The following MCF2L2 variants were observed in gnomAD, a reference collection of about 807,000 sequenced individuals.
MCF2L2 encodes the protein MCF.2 cell line derived transforming sequence-like 2.
MCF2L2 carries 102 observed loss-of-function variants against 150.2 expected under a neutral mutation model. That is an observed-to-expected ratio of 0.68 (90% CI 0.58 to 0.80). The LOEUF (loss-of-function observed/expected upper bound fraction) is 0.80. Among genes scored for constraint, MCF2L2 ranks in the 30% least tolerant of loss-of-function variants. The probability of loss-of-function intolerance (pLI) is 0.00; values close to 1 mark genes in which losing one functional copy is unlikely to be tolerated. For synonymous variants in MCF2L2, 465 were observed against 491.3 expected (o/e 0.95, Z 0.71); for missense variants, 1,256 against 1,372.8 (o/e 0.91, Z 1.34).
chr3:183,419,625 C>G (rs1715775842), intron 1 of MCF2L2, among the ~76,000 whole-genome samples: 1 of 152,212 alleles, frequency 6.6e-6, no homozygotes, highest in Non-Finnish European at 1.5e-5. Context: ...GTAATCCCAG[C>G]ACTTTGGGAG....
intron 7 of MCF2L2, among the ~76,000 whole-genome samples, chr3:183,314,664 A>G (rs1185210985): frequency 6.6e-6 from 1 of 151,966 alleles, no homozygotes; most frequent in Non-Finnish European, 1.5e-5. Context: ...AGAAAATGGT[A>G]TATCACACGC....
chr3:183,383,144 T>A (rs917204321), intron 2 of MCF2L2, among the ~76,000 whole-genome samples: 30 of 152,318 alleles, frequency 2.0e-4, no homozygotes, highest in African/African-American at 7.2e-4. Context: ...TTAATTTAAG[T>A]GAAAAATCCA....
chr3:183,341,726 T>C, intron 3 of MCF2L2, 96 bp from the exon 4 acceptor site: 1 of 820,854 alleles, frequency 1.2e-6, no homozygotes, highest in Non-Finnish European at 2.1e-6. Context: ...TCCACAGCAC[T>C]CCAGGCTCAC....
At chr3:183,356,516 T>C (rs1197200716) in intron 3 of MCF2L2, among the ~76,000 whole-genome samples, 2 of 151,864 alleles carry the variant, frequency 1.3e-5, no homozygotes, top group African/African-American at 4.8e-5. Flanking sequence ...CGTCTCAAAA[T>C]AAATAAATAA....
At position 183,356,133 on chromosome 3, in the gene MCF2L2, T is replaced by C. The variant is rs1167625821; in HGVS notation, c.276-14503A>G. ...ATGCAAGAAAGACTCAAAAGAAGAA[T>C]ACAAAGAGCAGGTCTTTCTAGAAAT... On this transcript the variant is annotated intron_variant, in intron 3 of 29. Transcript: ENST00000328913. Among the ~76,000 whole-genome samples, 3 of 124,062 alleles carry C rather than the reference T, an allele frequency of 2.4e-5. No homozygotes were observed. In the East Asian group the frequency reaches 7.2e-4, roughly 30 times the overall value. The allele number at this position is 124,062 out of a possible 152,430, so 81.4% of individuals were successfully genotyped here. A position where few individuals can be genotyped will look rare whatever the true frequency, so the allele number is the denominator to read the frequency against.
At chr3:183,396,271 C>T (rs1402405474) in intron 1 of MCF2L2, among the ~76,000 whole-genome samples, 1 of 152,120 alleles carries the variant, frequency 6.6e-6, no homozygotes, top group Non-Finnish European at 1.5e-5. Flanking sequence ...CTGCTGACAT[C>T]AGGGACACAC....
intron 15 of MCF2L2, among the ~76,000 whole-genome samples, chr3:183,269,248 T>TTTTTTTAA (rs1726486222): frequency 6.7e-6 from 1 of 149,354 alleles, no homozygotes; most frequent in African/African-American, 2.5e-5. Flanking sequence ...TTTTTTTTTT[T>TTTTTTTAA]AAGAGTAGGA....
intron 15 of MCF2L2, chr3:183,253,435 C>T (rs1156689513): frequency 2.0e-5 from 3 of 152,112 alleles, no homozygotes; most frequent in Non-Finnish European, 4.4e-5. Context: ...TCGTGAGTTT[C>T]GCTCTAAACT....
intron 13 of MCF2L2, 151 bp from the exon 14 acceptor site, chr3:183,289,371 A>G (rs571702433): frequency 6.7e-6 from 4 of 597,792 alleles, no homozygotes; most frequent in Non-Finnish European, 1.2e-5. Context: ...GGGCTGGATG[A>G]AATTGGAGGT....
At chr3:183,228,047 A>ACACACACACAC (rs1560354284) in intron 18 of MCF2L2, 16 of 458,420 alleles carry the variant, frequency 3.5e-5, no homozygotes, top group Admixed American at 3.6e-5. Context: ...ACACACACAC[A>ACACACACACAC]ATGGTAATGA....
chr3:183,300,265 C>T, intron 10 of MCF2L2, 69 bp from the exon 11 acceptor site: 1 of 1,374,418 alleles, frequency 7.3e-7, no homozygotes, highest in African/African-American at 1.5e-5. Context: ...CTGCCTGGTA[C>T]TGTGTGCTCC....
At chr3:183,346,254 T>G (rs1030963298) in intron 3 of MCF2L2, among the ~76,000 whole-genome samples, 4 of 150,664 alleles carry the variant, frequency 2.7e-5, no homozygotes, top group African/African-American at 9.8e-5. Flanking sequence ...TGGGATGCAC[T>G]CAACATATGC....
intron 1 of MCF2L2, among the ~76,000 whole-genome samples, chr3:183,402,410 C>T (rs1228250322): frequency 2.9e-5 from 4 of 140,256 alleles, no homozygotes; most frequent in African/African-American, 5.2e-5. Flanking sequence ...GCCGAGATCA[C>T]GCCACTGCAT....
intron 7 of MCF2L2, 112 bp from the exon 8 acceptor site, chr3:183,311,884 G>T: frequency 3.2e-6 from 3 of 925,936 alleles, no homozygotes; most frequent in Non-Finnish European, 4.7e-6. Flanking sequence ...GAAATTAAAT[G>T]CTGATGAAGT....
At chr3:183,207,205 ACCC>A (rs1722525600) in intron 23 of MCF2L2, among the ~76,000 whole-genome samples, 1 of 152,070 alleles carries the variant, frequency 6.6e-6, no homozygotes, top group African/African-American at 2.4e-5. Context: ...GGTGCCTTAG[ACCC>A]CAAGGTCAGG....
intron 1 of MCF2L2, among the ~76,000 whole-genome samples, chr3:183,420,880 G>T (rs1715848671): frequency 6.6e-6 from 1 of 152,118 alleles, no homozygotes; most frequent in South Asian, 2.1e-4. Context: ...CCCCCACCAG[G>T]TCCCTCCCTT....
chr3:183,195,380 G>A (rs534442325), intron 25 of MCF2L2, 125 bp from the exon 26 acceptor site: 3 of 637,118 alleles, frequency 4.7e-6, no homozygotes, highest in South Asian at 2.2e-5. Flanking sequence ...ATAAAGGTGT[G>A]TAGGTCTTGA....
At chr3:183,257,958 CTTTT>C (rs35323502) in intron 15 of MCF2L2, among the ~76,000 whole-genome samples, 14 of 64,734 alleles carry the variant, frequency 2.2e-4, no homozygotes, top group African/African-American at 8.3e-4. Context: ...CCACTTCACC[CTTTT>C]TTTTTTTTTT....
intron 15 of MCF2L2, among the ~76,000 whole-genome samples, chr3:183,255,373 T>G (rs1724948215): frequency 6.6e-6 from 1 of 152,244 alleles, no homozygotes; most frequent in South Asian, 2.1e-4. Context: ...AGCTGCTTTT[T>G]GGGGCCAACT....
Sources: gnomAD v4.1 joint callset for allele counts (sites outside exome capture counted in the v4.1 genomes callset) on GRCh38, gnomAD v4.1.1 for gene constraint, MANE v1.5 for transcripts, NCBI Gene and HGNC (gene_info 2026-07-23, HGNC 2026-07-21) for gene names.